The following DRC9 variants were observed in gnomAD, a reference collection of about 807,000 sequenced individuals.
DRC9 encodes dynein regulatory complex protein 9.
At chr3:197,953,884 A>C in the DRC9 span, 2 of 909,676 alleles carry the variant, frequency 2.2e-6, no homozygotes, top group East Asian at 5.0e-5. Flanking sequence ...TAGGCATTTA[A>C]AGTTTCTCAG....
At chr3:197,932,156 AC>A in the DRC9 span, 2 of 1,606,930 alleles carry the variant, frequency 1.2e-6, no homozygotes, top group East Asian at 4.5e-5. Context: ...AAGCAAGTAA[AC>A]CTAACATGAC....
At chr3:197,890,005 T>C in the DRC9 span, among the ~76,000 whole-genome samples, 1 of 152,210 alleles carries the variant, frequency 6.6e-6, no homozygotes, top group Non-Finnish European at 1.5e-5. Flanking sequence ...TATACTGCTT[T>C]CCTTGAGGAA....
At chr3:197,932,889 A>AATATACATT in the DRC9 span, among the ~76,000 whole-genome samples, 5 of 120,942 alleles carry the variant, frequency 4.1e-5, no homozygotes, top group South Asian at 1.1e-3. Flanking sequence ...ATATATGTAT[A>AATATACATT]ATATATGTAT....
the DRC9 span, among the ~76,000 whole-genome samples, chr3:197,924,385 A>C: frequency 6.6e-6 from 1 of 152,176 alleles, no homozygotes; most frequent in African/African-American, 2.4e-5. Context: ...CAAAAAATAA[A>C]AATAAAAATG....
the DRC9 span, chr3:197,953,725 A>G: frequency 2.7e-5 from 14 of 511,440 alleles, no homozygotes; most frequent in East Asian, 1.9e-4. Context: ...TTTTTTCAAT[A>G]TTGCCTCTGT....
chr3:197,942,216 T>A, the DRC9 span, among the ~76,000 whole-genome samples: 2 of 151,934 alleles, frequency 1.3e-5, 1 homozygote, highest in South Asian at 4.1e-4. Flanking sequence ...ATCCATTGTT[T>A]TGTAAAATCT....
chr3:197,955,273 CT>C, the DRC9 span, among the ~76,000 whole-genome samples: 284 of 143,634 alleles, frequency 2.0e-3, no homozygotes, highest in Middle Eastern at 3.6e-3. Context: ...TTTTCTTTTT[CT>C]TTTTTTTTTT....
chr3:197,934,200 T>TTTTA, the DRC9 span, among the ~76,000 whole-genome samples: 1 of 146,876 alleles, frequency 6.8e-6, no homozygotes, highest in African/African-American at 2.6e-5. Flanking sequence ...TTTTTTTTTT[T>TTTTA]GAGACAAGAG....
the DRC9 span, chr3:197,916,257 G>A: frequency 6.5e-6 from 1 of 154,278 alleles, no homozygotes; most frequent in Non-Finnish European, 1.4e-5. Context: ...ACAGACATGA[G>A]CCACTGCGCC....
At chr3:197,914,891 C>T in the DRC9 span, among the ~76,000 whole-genome samples, 2 of 151,990 alleles carry the variant, frequency 1.3e-5, no homozygotes, top group Admixed American at 6.6e-5. Context: ...TGGCCAGGCA[C>T]GGGGGCTCAC....
chr3:197,946,352 G>GTGA, the DRC9 span, among the ~76,000 whole-genome samples: 231 of 149,634 alleles, frequency 1.5e-3, 2 homozygotes, highest in African/African-American at 5.6e-3. Flanking sequence ...GGAGAATGGC[G>GTGA]TGAACCTGGG....
the DRC9 span, among the ~76,000 whole-genome samples, chr3:197,924,571 G>C: frequency 6.6e-6 from 1 of 151,848 alleles, no homozygotes; most frequent in Admixed American, 6.6e-5. Context: ...CCAGGCTGGA[G>C]TGCAGTGGCA....
At chr3:197,907,577 C>T in the DRC9 span, among the ~76,000 whole-genome samples, 1 of 152,218 alleles carries the variant, frequency 6.6e-6, no homozygotes, top group Non-Finnish European at 1.5e-5. Flanking sequence ...CAAAATCTTA[C>T]CATTCTTTTG....
At chr3:197,932,950 TTA>T in the DRC9 span, among the ~76,000 whole-genome samples, 31 of 115,856 alleles carry the variant, frequency 2.7e-4, no homozygotes, top group South Asian at 7.1e-3. Flanking sequence ...ATAATATATA[TTA>T]TATATTATTA....
the DRC9 span, chr3:197,958,026 C>G: frequency 6.6e-6 from 1 of 152,166 alleles, no homozygotes. Context: ...TAAGATTGTT[C>G]TTGAGTGTAA....
chr3:197,935,253 T>C, the DRC9 span, among the ~76,000 whole-genome samples: 5 of 151,928 alleles, frequency 3.3e-5, no homozygotes, highest in Admixed American at 3.3e-4. Context: ...TCAGCCTGGC[T>C]AACATGGTGA....
chr3:197,954,352 G>A, the DRC9 span: 4 of 616,834 alleles, frequency 6.5e-6, no homozygotes, highest in African/African-American at 7.4e-5. Context: ...TTTTTGGGGG[G>A]AGACAGGGTC....
the DRC9 span, chr3:197,951,542 A>G: frequency 2.2e-5 from 11 of 499,968 alleles, no homozygotes; most frequent in African/African-American, 2.0e-4. Context: ...TAGTAGAGAC[A>G]GGGTATTGCC....
At chr3:197,921,041 T>G in the DRC9 span, among the ~76,000 whole-genome samples, 26,420 of 133,476 alleles carry the variant, frequency 0.2, 4,283 homozygotes, top group African/African-American at 0.38. Context: ...CTCCGGGGAT[T>G]TAACCTGATT....
Sources: gnomAD v4.1 joint callset for allele counts (sites outside exome capture counted in the v4.1 genomes callset) on GRCh38, gnomAD v4.1.1 for gene constraint, MANE v1.5 for transcripts, NCBI Gene and HGNC (gene_info 2026-07-23, HGNC 2026-07-21) for gene names.